The following C3orf52 variants were observed in gnomAD, a reference collection of about 807,000 sequenced individuals.
C3orf52 encodes the protein TPA-induced transmembrane protein.
In C3orf52, 22 loss-of-function variants were observed where a neutral mutation model predicts 24.8. That is an observed-to-expected ratio of 0.89 (90% CI 0.63 to 1.27). C3orf52 has a LOEUF of 1.27. C3orf52 is among the 50% of genes most tolerant of loss of function. The pLI is 0.00. For missense variants in C3orf52, 265 were observed against 260.7 expected (o/e 1.02, Z -0.11); for synonymous variants, 93 against 100.2 (o/e 0.93, Z 0.43).
chr3:112,099,279 A>C (rs1358680213), intron 2 of C3orf52, among the ~76,000 whole-genome samples: 2 of 152,178 alleles, frequency 1.3e-5, no homozygotes, highest in African/African-American at 4.8e-5. Context: ...GGACTAATAC[A>C]CGCTCACATT....
At chr3:112,111,544 A>C (rs11712974) in intron 4 of C3orf52, 1 of 152,244 alleles carries the variant, frequency 6.6e-6, no homozygotes, top group Non-Finnish European at 1.5e-5. Flanking sequence ...ATGTAAATTT[A>C]CCCTGTGACC....
At chr3:112,091,440 G>C (rs2073876333) in intron 1 of C3orf52, among the ~76,000 whole-genome samples, 1 of 152,206 alleles carries the variant, frequency 6.6e-6, no homozygotes, top group Admixed American at 6.5e-5. Flanking sequence ...CTAAGGGCAG[G>C]TGGGGAGGGA....
intron 2 of C3orf52, among the ~76,000 whole-genome samples, chr3:112,102,324 C>T (rs1282267678): frequency 2.0e-5 from 3 of 152,172 alleles, no homozygotes; most frequent in Non-Finnish European, 2.9e-5. Flanking sequence ...TAGGCAAACT[C>T]GTCAACCCTC....
rs750534131 is a variant in C3orf52 at position 112,128,000 on chromosome 3, A to C, written c.*47-233A>C. ...CACACTTAGGGAAATAACTCCTAAAAACAACTGTCCACTCACCATGGAAGG... is the reference window on the plus strand; with the variant it reads ...CACACTTAGGGAAATAACTCCTAAACACAACTGTCCACTCACCATGGAAGG... On this transcript the variant is annotated intron_variant, in intron 4 of 4. Transcript: ENST00000480282. 4 of 1,611,026 alleles carry C rather than the reference A, an allele frequency of 2.5e-6. No homozygotes were observed. In the Admixed American group the frequency reaches 6.7e-5, roughly 27 times the overall value.
intron 5 of C3orf52, among the ~76,000 whole-genome samples, chr3:112,114,104 A>G (rs1276782144): frequency 1.3e-5 from 2 of 152,230 alleles, no homozygotes; most frequent in African/African-American, 4.8e-5. Context: ...GTCTAGAATC[A>G]GAAGCATGGA....
chr3:112,088,682 T>C (rs1385519606), intron 1 of C3orf52, among the ~76,000 whole-genome samples: 1 of 152,084 alleles, frequency 6.6e-6, no homozygotes, highest in African/African-American at 2.4e-5. Context: ...TATCTATCTA[T>C]CTATTATCTA....
intron 3 of C3orf52, among the ~76,000 whole-genome samples, chr3:112,103,489 A>T (rs557294898): frequency 5.0e-4 from 76 of 152,334 alleles, no homozygotes; most frequent in African/African-American, 1.8e-3. Context: ...CTTAGGTCCT[A>T]CATTTAATTC....
At chr3:112,092,556 G>C (rs958436058) in intron 1 of C3orf52, among the ~76,000 whole-genome samples, 3 of 152,202 alleles carry the variant, frequency 2.0e-5, no homozygotes, top group African/African-American at 7.2e-5. Context: ...CACACAGCAG[G>C]GATTGGTTCT....
intron 1 of C3orf52, among the ~76,000 whole-genome samples, chr3:112,088,125 A>T (rs1015974228): frequency 2.0e-5 from 3 of 152,218 alleles, no homozygotes; most frequent in African/African-American, 7.2e-5. Context: ...TTTGTAAGTT[A>T]GCTTTGTAGG....
intron 1 of C3orf52, among the ~76,000 whole-genome samples, chr3:112,087,081 T>A (rs1031503277): frequency 6.9e-6 from 1 of 145,166 alleles, no homozygotes; most frequent in East Asian, 2.3e-4. Context: ...CATTGGATTC[T>A]GCCGGAAGAG....
rs74900249 is a variant in C3orf52 at position 112,124,647 on chromosome 3, T to A, written c.*47-3586T>A. 7.4e-3 allele frequency among the ~76,000 whole-genome samples: 1,134 copies of A among 152,258 alleles called. 14 individuals carry two copies. Among genetic ancestry groups the A allele is most frequent in the African/African-American group, 0.025 (1,039 of 41,564 alleles). ...AATAAATATAAATAATCTTATGATA[T>A]CTTAATGTGTTTTGGCTGTGATATT... On this transcript the variant is annotated intron_variant, in intron 4 of 4. Coordinates refer to the C3orf52 transcript ENST00000480282.
rs1451520689 is a variant in C3orf52, at chr3:112,109,642, C to T, written c.467+29C>T. The T allele has an allele frequency of 3.5e-6, 5 of 1,432,650 alleles. No individual in the cohort carries two copies. The East Asian group carries it at 6.9e-5, about 20-fold the overall frequency. 88.7% of individuals were successfully genotyped at this position (1,432,650 alleles called of 1,614,324 possible). On this transcript the variant is annotated intron_variant, in intron 4 of 5. Coordinates refer to ENST00000264848, the MANE Select transcript of C3orf52 (RefSeq NM_024616.3). ...AGAGTGTGGAACATTACATTTTGCT[C>T]TCTTTCTCTGGAAAGAGATCCCCCC...
intron 4 of C3orf52, among the ~76,000 whole-genome samples, chr3:112,124,699 T>G (rs1214726886): frequency 6.6e-6 from 1 of 152,224 alleles, no homozygotes; most frequent in African/African-American, 2.4e-5. Context: ...ATATTTATGT[T>G]ATTAAATAGG....
At chr3:112,123,440 A>C (rs1559981328) in intron 4 of C3orf52, 2 of 1,610,982 alleles carry the variant, frequency 1.2e-6, no homozygotes, top group Non-Finnish European at 1.7e-6. Context: ...AACAAATGCT[A>C]GTCCAGCCAC....
chr3:112,090,390 G>A (rs2073866641), intron 1 of C3orf52, among the ~76,000 whole-genome samples: 1 of 151,492 alleles, frequency 6.6e-6, no homozygotes, highest in African/African-American at 2.4e-5. Flanking sequence ...GACCTCTTGG[G>A]CTCAAGCGAT....
chr3:112,118,291 T>A (rs2074157094), downstream of C3orf52: 1 of 152,230 alleles, frequency 6.6e-6, no homozygotes, highest in African/African-American at 2.4e-5. Flanking sequence ...TGAGCATAAT[T>A]TTTTTCATTT....
intron 5 of C3orf52, among the ~76,000 whole-genome samples, chr3:112,114,361 A>G (rs375742780): frequency 1.4e-4 from 21 of 150,702 alleles, no homozygotes; most frequent in African/African-American, 4.4e-4. Context: ...GGCAGACACT[A>G]TATGTGTGTG....
At chr3:112,094,029 C>T (rs2073904004) in intron 2 of C3orf52, among the ~76,000 whole-genome samples, 1 of 151,914 alleles carries the variant, frequency 6.6e-6, no homozygotes, top group Admixed American at 6.6e-5. Context: ...AAGTCTTACT[C>T]TGTCACCCAG....
At chr3:112,097,508 T>C (rs2073936918) in intron 2 of C3orf52, among the ~76,000 whole-genome samples, 1 of 152,156 alleles carries the variant, frequency 6.6e-6, no homozygotes, top group African/African-American at 2.4e-5. Context: ...TGACGTTGTG[T>C]TGAGTGGATT....
Sources: gnomAD v4.1 joint callset for allele counts (sites outside exome capture counted in the v4.1 genomes callset) on GRCh38, gnomAD v4.1.1 for gene constraint, MANE v1.5 for transcripts, NCBI Gene and HGNC (gene_info 2026-07-23, HGNC 2026-07-21) for gene names.